The following CACNA1E variants were observed in gnomAD, a reference collection of about 807,000 sequenced individuals.
The protein encoded by CACNA1E is voltage-dependent R-type calcium channel subunit alpha-1E.
In CACNA1E, 40 loss-of-function variants were observed where a neutral mutation model predicts 259.2. That is an observed-to-expected ratio of 0.15 (90% CI 0.12 to 0.20). The LOEUF (loss-of-function observed/expected upper bound fraction) is 0.20. CACNA1E is among the 10% of genes least tolerant of loss of function. The probability of loss-of-function intolerance (pLI) is 1.00; values close to 1 mark genes in which losing one functional copy is unlikely to be tolerated. For missense variants in CACNA1E, 1,874 were observed against 3,040.1 expected (o/e 0.62, Z 9.02); for synonymous variants, 1,104 against 1,138.5 (o/e 0.97, Z 0.61).
At chr1:181,545,708 G>A (rs771280648) in intron 3 of CACNA1E, among the ~76,000 whole-genome samples, 2 of 152,204 alleles carry the variant, frequency 1.3e-5, no homozygotes, top group African/African-American at 2.4e-5. Flanking sequence ...TCTGTTCAGG[G>A]AGTTTGGGTG....
At chr1:181,651,511 C>T in intron 7 of CACNA1E, 70 bp downstream of exon 7, 1 of 1,061,270 alleles carries the variant, frequency 9.4e-7, no homozygotes, top group South Asian at 1.3e-5. Context: ...CCTCCTGACT[C>T]ATGGCAGATT....
chr1:181,634,337 A>T (rs967680987), intron 6 of CACNA1E, among the ~76,000 whole-genome samples: 1 of 152,218 alleles, frequency 6.6e-6, no homozygotes, highest in Non-Finnish European at 1.5e-5. Flanking sequence ...CTAAGGGCAG[A>T]TACTCTGAAC....
intron 6 of CACNA1E, among the ~76,000 whole-genome samples, chr1:181,605,530 A>T (rs1654153129): frequency 6.6e-6 from 1 of 152,214 alleles, no homozygotes; most frequent in East Asian, 1.9e-4. Context: ...ACAGGAAAAA[A>T]AAATAGAAAG....
intron 29 of CACNA1E, among the ~76,000 whole-genome samples, chr1:181,756,609 A>G (rs1658110630): frequency 6.6e-6 from 1 of 152,232 alleles, no homozygotes; most frequent in Non-Finnish European, 1.5e-5. Flanking sequence ...ACCACTCTCT[A>G]GTGGCAACAG....
In CACNA1E at chr1:181,805,612, C is replaced by A. The variant is rs962449246; in HGVS notation, c.*6778C>A. 11 of 152,140 alleles carry A rather than the reference C, an allele frequency of 7.2e-5. No individual in the cohort carries two copies. Among genetic ancestry groups the A allele is most frequent in the African/African-American group, 2.7e-4 (11 of 41,420 alleles). The allele number at this position is 152,140 out of a possible 1,614,324, so 9.4% of individuals were successfully genotyped here. A position where few individuals can be genotyped will look rare whatever the true frequency, so the allele number is the denominator to read the frequency against. ...GCTACCAATTGGGATATATACTTAG[C>A]CTGCAGGCTGAACTTTAGTCAGTGT... is the stretch of plus-strand genomic sequence containing the variant. On this transcript the variant is annotated 3_prime_UTR_variant, in exon 48 of 48. Coordinates refer to ENST00000367573, the MANE Select transcript of CACNA1E (RefSeq NM_001205293.3).
intron 1 of CACNA1E, among the ~76,000 whole-genome samples, chr1:181,384,467 C>T (rs892596104): frequency 2.6e-5 from 4 of 152,202 alleles, no homozygotes; most frequent in Non-Finnish European, 5.9e-5. Context: ...CCAAGCAACA[C>T]TACTTCCTTT....
At chr1:181,701,504 G>A (rs1183894110) in intron 7 of CACNA1E, among the ~76,000 whole-genome samples, 2 of 152,214 alleles carry the variant, frequency 1.3e-5, no homozygotes, top group Admixed American at 1.3e-4. Flanking sequence ...TATATGCAGA[G>A]ACAGAGAGAA....
intron 26 of CACNA1E, 48 bp from the exon 27 acceptor site, chr1:181,752,095 T>C: frequency 7.8e-7 from 1 of 1,277,446 alleles, no homozygotes; most frequent in Non-Finnish European, 1.1e-6. Flanking sequence ...ATGTCATTTT[T>C]ATTTCTCCCC....
intron 1 of CACNA1E, among the ~76,000 whole-genome samples, chr1:181,380,662 C>G (rs997434737): frequency 6.6e-6 from 1 of 152,064 alleles, no homozygotes; most frequent in African/African-American, 2.4e-5. Flanking sequence ...CACTACATGT[C>G]TATTAGGAAA....
intron 7 of CACNA1E, chr1:181,668,669 T>G (rs1317188485): frequency 6.6e-6 from 1 of 152,182 alleles, no homozygotes; most frequent in South Asian, 2.1e-4. Flanking sequence ...GAAAATTAAA[T>G]AATATACAAT....
chr1:181,454,534 G>A (rs997786154), intron 2 of CACNA1E, among the ~76,000 whole-genome samples: 4 of 152,208 alleles, frequency 2.6e-5, no homozygotes, highest in African/African-American at 9.6e-5. Flanking sequence ...TCACATAGTT[G>A]CTACCCAAGT....
At chr1:181,527,666 G>T (rs148966181) in intron 3 of CACNA1E, among the ~76,000 whole-genome samples, 1 of 152,084 alleles carries the variant, frequency 6.6e-6, no homozygotes, top group African/African-American at 2.4e-5. Context: ...TCTCATTCCA[G>T]TTCTGGTTTT....
At chr1:181,751,270 A>C (rs1657571560) in intron 26 of CACNA1E, among the ~76,000 whole-genome samples, 1 of 152,282 alleles carries the variant, frequency 6.6e-6, no homozygotes, top group Non-Finnish European at 1.5e-5. Flanking sequence ...TCCTAAAAAT[A>C]AAAAGAGAAA....
chr1:181,516,321 T>C (rs1055379175), intron 3 of CACNA1E, among the ~76,000 whole-genome samples: 2 of 145,646 alleles, frequency 1.4e-5, no homozygotes, highest in Admixed American at 7.0e-5. Flanking sequence ...AAATGGTCAT[T>C]TATTGAACCA....
At chr1:181,731,291 T>C in intron 19 of CACNA1E, 60 bp downstream of exon 19, 2 of 1,325,662 alleles carry the variant, frequency 1.5e-6, no homozygotes, top group East Asian at 4.6e-5. Flanking sequence ...GGACAATGTG[T>C]CATTGTCCTT....
At chr1:181,784,137 G>A (rs889083897) in intron 40 of CACNA1E, among the ~76,000 whole-genome samples, 2 of 152,152 alleles carry the variant, frequency 1.3e-5, no homozygotes, top group Non-Finnish European at 2.9e-5. Context: ...GGCAGAAGGT[G>A]CTGTCATAGA....
intron 1 of CACNA1E, among the ~76,000 whole-genome samples, chr1:181,383,784 A>G (rs1655633955): frequency 6.6e-6 from 1 of 152,208 alleles, no homozygotes; most frequent in African/African-American, 2.4e-5. Flanking sequence ...GGGTATGAAC[A>G]TGTGACCAAA....
chr1:181,334,330 A>G (rs1245307661), intron 1 of CACNA1E, among the ~76,000 whole-genome samples: 1 of 152,194 alleles, frequency 6.6e-6, no homozygotes, highest in Non-Finnish European at 1.5e-5. Flanking sequence ...TTCTTTATCT[A>G]TAATCACTTA....
chr1:181,426,920 C>T (rs1177414163), intron 2 of CACNA1E, among the ~76,000 whole-genome samples: 1 of 150,258 alleles, frequency 6.7e-6, no homozygotes, highest in Non-Finnish European at 1.5e-5. Flanking sequence ...CATCTCAACC[C>T]TTCACAGCTC....
Sources: allele counts gnomAD v4.1 joint callset (sites outside exome capture counted in the v4.1 genomes callset), GRCh38; gene constraint gnomAD v4.1.1; transcripts MANE v1.5; gene names NCBI Gene and HGNC (gene_info 2026-07-23, HGNC 2026-07-21).